Variants in TAFA2 observed in about 807,000 individuals in gnomAD.
The protein encoded by TAFA2 is chemokine-like protein TAFA-2.
TAFA2 carries 7 observed loss-of-function variants against 18.8 expected under a neutral mutation model. The ratio of observed to expected loss-of-function variants is 0.37; its 90% confidence interval spans 0.21 to 0.70. The LOEUF (loss-of-function observed/expected upper bound fraction) is 0.70, where lower values mean the gene tolerates loss of function less well. Among genes scored for constraint, TAFA2 ranks in the 30% least tolerant of loss-of-function variants. The pLI, the probability that TAFA2 is intolerant of heterozygous loss-of-function variation, is 0.53. For missense variants in TAFA2, 122 were observed against 158.1 expected (o/e 0.77, Z 1.23); for synonymous variants, 60 against 54.2 (o/e 1.11, Z -0.47).
Position 61,862,140 on chromosome 12 carries a change from A to T in TAFA2, c.106+5180T>A, listed in dbSNP as rs148711310. Among the ~76,000 whole-genome samples, 1,138 of 152,304 alleles carry T rather than the reference A, an allele frequency of 7.5e-3. 13 individuals carry two copies. The highest frequency in any genetic ancestry group is 0.026 in the African/African-American group (1,061 of 41,566). On this transcript the variant is annotated intron_variant, in intron 2 of 4. Coordinates refer to ENST00000416284, the MANE Select transcript of TAFA2 (RefSeq NM_178539.5). ...ACATATTAGCCTCCTAAGATTAAGG[A>T]CTATATTTTTCTGTTGGGAACTTGG... is the stretch of plus-strand genomic sequence containing the variant.
chr12:62,123,515 TA>T (rs1484056977), intron 1 of TAFA2, among the ~76,000 whole-genome samples: 2 of 151,522 alleles, frequency 1.3e-5, no homozygotes, highest in African/African-American at 2.4e-5. Flanking sequence ...ACTGGAAAAG[TA>T]AGAAAAAAAA....
At chr12:61,721,020 GA>G in intron 4 of TAFA2, 1 of 472,140 alleles carries the variant, frequency 2.1e-6, no homozygotes. Context: ...AGCATAAAGG[GA>G]CAACAAGACA....
At chr12:62,104,499 A>G (rs1869357715) in intron 1 of TAFA2, among the ~76,000 whole-genome samples, 1 of 152,190 alleles carries the variant, frequency 6.6e-6, no homozygotes, top group Non-Finnish European at 1.5e-5. Context: ...CAACCCAGAA[A>G]TCTTATCCAT....
At chr12:62,161,373 T>C (rs2062405881) in intron 1 of TAFA2, among the ~76,000 whole-genome samples, 1 of 152,128 alleles carries the variant, frequency 6.6e-6, no homozygotes, top group Non-Finnish European at 1.5e-5. Flanking sequence ...TATTCAGCCA[T>C]AAAAAGAACA....
intron 2 of TAFA2, chr12:61,827,238 C>G (rs1872565381): frequency 6.6e-6 from 1 of 152,028 alleles, no homozygotes; most frequent in Non-Finnish European, 1.5e-5. Context: ...AGAGAGAATT[C>G]TTCACACTTG....
chr12:62,253,635 T>G (rs1565789119), intron 1 of TAFA2: 1 of 152,212 alleles, frequency 6.6e-6, no homozygotes, highest in Non-Finnish European at 1.5e-5. Context: ...AAAGCCATTC[T>G]TCCATAGTCA....
chr12:61,719,862 G>A (rs1418717752), intron 4 of TAFA2, among the ~76,000 whole-genome samples: 5 of 152,120 alleles, frequency 3.3e-5, no homozygotes, highest in Non-Finnish European at 7.3e-5. Flanking sequence ...ACATGGAGAT[G>A]GAGCATTCTC....
chr12:62,175,879 TA>T (rs11285837), intron 1 of TAFA2, among the ~76,000 whole-genome samples: 137,741 of 150,958 alleles, frequency 0.91, 62,925 homozygotes, highest in Middle Eastern at 0.95. Flanking sequence ...TATATATATA[TA>T]TATTAAATTA....
intron 1 of TAFA2, among the ~76,000 whole-genome samples, chr12:62,237,291 A>T (rs543040836): frequency 1.3e-5 from 2 of 152,322 alleles, no homozygotes; most frequent in East Asian, 3.9e-4. Flanking sequence ...GCAGATCATG[A>T]GGTCAGGAGA....
At chr12:62,220,633 C>T (rs1388835819) in intron 1 of TAFA2, among the ~76,000 whole-genome samples, 2 of 152,148 alleles carry the variant, frequency 1.3e-5, no homozygotes, top group East Asian at 3.8e-4. Context: ...TTGACTGTAA[C>T]AAATGTACCA....
intron 2 of TAFA2, among the ~76,000 whole-genome samples, chr12:61,760,206 T>G (rs1592370827): frequency 1.3e-5 from 2 of 151,304 alleles, no homozygotes; most frequent in African/African-American, 4.8e-5. Context: ...TGTAAAACTT[T>G]TTATGGGGAA....
At chr12:62,140,855 T>G (rs1363640466) in intron 1 of TAFA2, among the ~76,000 whole-genome samples, 3 of 152,112 alleles carry the variant, frequency 2.0e-5, no homozygotes, top group African/African-American at 7.2e-5. Flanking sequence ...CTTGCTTGCA[T>G]CACATCAAAA....
intron 4 of TAFA2, among the ~76,000 whole-genome samples, chr12:61,752,914 C>T (rs1869087207): frequency 6.6e-6 from 1 of 151,942 alleles, no homozygotes; most frequent in Non-Finnish European, 1.5e-5. Context: ...ACAAAACCTT[C>T]CTTTGCTAAT....
chr12:62,069,881 A>T (rs1456750329), intron 1 of TAFA2, among the ~76,000 whole-genome samples: 6 of 152,332 alleles, frequency 3.9e-5, no homozygotes, highest in Middle Eastern at 3.4e-3. Context: ...TAGATTAAAT[A>T]CGATGTTTGC....
chr12:61,768,481 T>A (rs1869883220), intron 2 of TAFA2, among the ~76,000 whole-genome samples: 1 of 152,106 alleles, frequency 6.6e-6, no homozygotes, highest in Admixed American at 6.6e-5. Context: ...ACTGTAGGTT[T>A]CGTGAGATGG....
At chr12:61,912,626 T>G (rs1274425548) in intron 1 of TAFA2, among the ~76,000 whole-genome samples, 1 of 152,186 alleles carries the variant, frequency 6.6e-6, no homozygotes, top group African/African-American at 2.4e-5. Context: ...CAGACATTGT[T>G]GCTCGTTTCT....
At chr12:62,039,068 C>T (rs1881688190) in intron 1 of TAFA2, among the ~76,000 whole-genome samples, 4 of 152,104 alleles carry the variant, frequency 2.6e-5, no homozygotes. Flanking sequence ...ACAAGGGACC[C>T]ACTAAAAAAT....
chr12:62,152,724 C>T (rs894647617), intron 1 of TAFA2, among the ~76,000 whole-genome samples: 24 of 152,016 alleles, frequency 1.6e-4, no homozygotes, highest in African/African-American at 5.6e-4. Flanking sequence ...TTGCTTTTGC[C>T]CAAATCACCA....
At chr12:61,826,937 A>G (rs1006871624) in intron 2 of TAFA2, among the ~76,000 whole-genome samples, 2 of 152,058 alleles carry the variant, frequency 1.3e-5, no homozygotes, top group South Asian at 2.1e-4. Flanking sequence ...ACACTGACAA[A>G]ATGACCTATA....
Sources: allele counts gnomAD v4.1 joint callset (sites outside exome capture counted in the v4.1 genomes callset), GRCh38; gene constraint gnomAD v4.1.1; transcripts MANE v1.5; gene names NCBI Gene and HGNC (gene_info 2026-07-23, HGNC 2026-07-21).